IFIT1B: variants seen among roughly 807,000 people sequenced by gnomAD.
IFIT1B encodes protein IFIT1 homolog B.
Under a neutral mutation model 2.5 loss-of-function variants are expected in IFIT1B, and 3 were observed. That is an observed-to-expected ratio of 1.21 (90% CI 0.55 to 3.14). IFIT1B has a LOEUF of 3.14. Ranked by LOEUF, IFIT1B falls within the 30% of genes most tolerant of loss-of-function variation. The pLI is 0.03. For missense variants in IFIT1B, 545 were observed against 556.5 expected (o/e 0.98, Z 0.21); for synonymous variants, 196 against 203.0 (o/e 0.97, Z 0.29).
intron 1 of IFIT1B, 145 bp from the exon 2 acceptor site, chr10:89,383,174 C>A: frequency 1.4e-6 from 1 of 694,652 alleles, no homozygotes; most frequent in Non-Finnish European, 2.4e-6. Flanking sequence ...TTCCTAATGA[C>A]ATGACTGTAG....
intron 1 of IFIT1B, among the ~76,000 whole-genome samples, chr10:89,381,634 G>T (rs1385744807): frequency 1.3e-5 from 2 of 152,168 alleles, no homozygotes; most frequent in Non-Finnish European, 2.9e-5. Context: ...TTTAGATGGA[G>T]ACTCTGAGGG....
chr10:89,383,192 A>G, intron 1 of IFIT1B, 127 bp from the exon 2 acceptor site: 1 of 796,574 alleles, frequency 1.3e-6, no homozygotes, highest in Non-Finnish European at 2.0e-6. Context: ...TAGAACCCAG[A>G]GGGGCACCAG....
chr10:89,381,901 T>C (rs2133603303), intron 1 of IFIT1B, among the ~76,000 whole-genome samples: 1 of 152,270 alleles, frequency 6.6e-6, no homozygotes, highest in Non-Finnish European at 1.5e-5. Flanking sequence ...TTCTTGTGCC[T>C]CAGCCTCCAG....
chr10:89,379,014 T>A (rs956606153), intron 1 of IFIT1B, among the ~76,000 whole-genome samples: 1 of 152,348 alleles, frequency 6.6e-6, no homozygotes, highest in Admixed American at 6.5e-5. Context: ...CCTTTTAATA[T>A]ACAAAATACT....
intron 1 of IFIT1B, among the ~76,000 whole-genome samples, chr10:89,380,898 ATGT>A (rs1844157735): frequency 6.6e-6 from 1 of 152,228 alleles, no homozygotes; most frequent in African/African-American, 2.4e-5. Flanking sequence ...AAGAAGATAC[ATGT>A]TGATGAACAA....
At chr10:89,380,458 C>A in intron 1 of IFIT1B, among the ~76,000 whole-genome samples, 1 of 147,292 alleles carries the variant, frequency 6.8e-6, no homozygotes. Context: ...TTTTTCCAGA[C>A]AGGGCCTCCC....
intron 1 of IFIT1B, among the ~76,000 whole-genome samples, chr10:89,381,718 C>A (rs572037035): frequency 1.4e-4 from 22 of 152,232 alleles, no homozygotes; most frequent in East Asian, 3.9e-4. Flanking sequence ...CTCTGCCCAA[C>A]TTTGTGGTGC....
rs777167526 is a variant in IFIT1B at position 89,384,404 on chromosome 10, A to C, written c.1091A>C (p.Gln364Pro). 50 of 1,614,096 alleles carry C rather than the reference A, an allele frequency of 3.1e-5. No homozygotes were observed. Among genetic ancestry groups the C allele is most frequent in the Non-Finnish European group, 4.2e-5 (49 of 1,180,052 alleles). The change falls in exon 2 of 2, where the codon CAG (glutamine) becomes CCG (proline). Residue 364 changes from glutamine to proline, a missense_variant. Physicochemically the swap from Gln to Pro is moderately conservative, Grantham distance 76. Transcript: ENST00000371809. ...CACAGAAAGGCTGAGGAACATTTTC[A>C]GAAAGGGTTACGCATGAAGATCTTT... The part of the protein sequence containing the change: ...GHHRKAEEHF[Q>P]KGLRMKIFED...
chr10:89,378,891 T>C (rs1844141419), intron 1 of IFIT1B, among the ~76,000 whole-genome samples: 1 of 152,196 alleles, frequency 6.6e-6, no homozygotes. Context: ...TAGCACTTTC[T>C]AATAGAGGGA....
intron 1 of IFIT1B, among the ~76,000 whole-genome samples, chr10:89,380,250 C>G (rs116793584): frequency 0.019 from 2,956 of 152,162 alleles, 43 homozygotes; most frequent in African/African-American, 0.037. Flanking sequence ...TCCTCCTGAT[C>G]CCACTGGTTC....
intron 1 of IFIT1B, among the ~76,000 whole-genome samples, chr10:89,378,678 T>C (rs375700999): frequency 1.3e-5 from 2 of 152,122 alleles, no homozygotes; most frequent in African/African-American, 4.8e-5. Context: ...ATAAAGTCCA[T>C]AGAGTCAGCT....
intron 1 of IFIT1B, among the ~76,000 whole-genome samples, chr10:89,382,913 G>T (rs560170492): frequency 6.6e-6 from 1 of 152,336 alleles, no homozygotes; most frequent in African/African-American, 2.4e-5. Flanking sequence ...ACATGAAAAA[G>T]ATGAGTAAGG....
chr10:89,384,730 A>G lies in IFIT1B; in HGVS notation c.1417A>G (p.Ile473Val), dbSNP rs745874020. 1.6e-5 allele frequency: 25 copies of G among 1,602,498 alleles called. No individual in the cohort carries two copies. Among genetic ancestry groups the G allele is most frequent in the Non-Finnish European group, 2.0e-5 (23 of 1,174,212 alleles). The change falls in exon 2 of 2, where the codon ATA becomes GTA. Residue 473 changes from isoleucine to valine, a missense_variant. Physicochemically the swap from Ile to Val is conservative, Grantham distance 29 (BLOSUM62 3). Transcript: ENST00000371809. ...GAGGCTGGCTGCTGACCTGAACCCT[A>G]TATTTTAACATAGAGGTCACCATTA... ...ALRLAADLNP[I>V]F is the part of the protein sequence containing the mutation.
chr10:89,381,644 G>C (rs1844164239), intron 1 of IFIT1B, among the ~76,000 whole-genome samples: 1 of 152,182 alleles, frequency 6.6e-6, no homozygotes, highest in Admixed American at 6.5e-5. Flanking sequence ...GACTCTGAGG[G>C]AAAAGTGAGG....
chr10:89,379,384 G>A (rs1449212556), intron 1 of IFIT1B, among the ~76,000 whole-genome samples: 1 of 152,118 alleles, frequency 6.6e-6, no homozygotes, highest in East Asian at 1.9e-4. Flanking sequence ...CATGTTGCCT[G>A]CTAAAATTTG....
chr10:89,382,943 C>T (rs1467336564), intron 1 of IFIT1B, among the ~76,000 whole-genome samples: 1 of 152,190 alleles, frequency 6.6e-6, no homozygotes, highest in Non-Finnish European at 1.5e-5. Flanking sequence ...TTCTGTGAAC[C>T]CTCTCTCCAC....
In IFIT1B at chr10:89,384,718, G is replaced by A. The variant is rs1844192934; in HGVS notation, c.1405G>A (p.Asp469Asn). Residue 469 changes from aspartate to asparagine, a missense_variant, in exon 2 of 2, where the codon GAC becomes AAC. Asp to Asn is a conservative substitution (Grantham distance 23). Transcript: ENST00000371809. ...CYERALRLAA[D>N]LNPIF is the part of the protein sequence containing the mutation. ...TGAGAGGGCTCTGAGGCTGGCTGCT[G>A]ACCTGAACCCTATATTTTAACATAG... The A allele has an allele frequency of 6.2e-7, 1 of 1,611,300 alleles. No individual in the cohort carries two copies. Among genetic ancestry groups the A allele is most frequent in the South Asian group, 1.1e-5 (1 of 90,840 alleles).
rs1045454231 is a variant in IFIT1B, at chr10:89,385,007, T to C, written c.*269T>C. ...TGGTAAAGCAATCTTTCTTGGAACA[T>C]AGCAAGTAGTAACCGATCAAATTGC... On this transcript the variant is annotated 3_prime_UTR_variant, in exon 2 of 2. Coordinates refer to ENST00000371809, the MANE Select transcript of IFIT1B (RefSeq NM_001010987.2). 1.0e-5 allele frequency: 4 copies of C among 398,320 alleles called. No individual in the cohort carries two copies. Among genetic ancestry groups the C allele is most frequent in the Non-Finnish European group, 1.8e-5 (4 of 221,038 alleles). The allele number at this position is 398,320 out of a possible 1,614,324, so 24.7% of individuals were successfully genotyped here. A position where few individuals can be genotyped will look rare whatever the true frequency, so the allele number is the denominator to read the frequency against.
Position 89,383,985 on chromosome 10 carries a change from C to T in IFIT1B, c.672C>T (p.Ala224=). ...ATGTATATATTAGGGTTCTCCTTGC[C>T]CTGAAGCTTCAGGATGAAGGACAGG... ...PDDVYIRVLL[A]LKLQDEGQEA... is the part of the protein sequence containing the mutation. The change falls in exon 2 of 2, where the codon GCC becomes GCT. Residue 224 remains alanine (A), a synonymous_variant. Coordinates refer to ENST00000371809, the MANE Select transcript of IFIT1B (RefSeq NM_001010987.2). The T allele has an allele frequency of 6.2e-7, 1 of 1,614,082 alleles. No homozygotes were observed. Among genetic ancestry groups the T allele is most frequent in the Non-Finnish European group, 8.5e-7 (1 of 1,180,020 alleles).
Sources: gnomAD v4.1 joint callset for allele counts (sites outside exome capture counted in the v4.1 genomes callset) on GRCh38, gnomAD v4.1.1 for gene constraint, MANE v1.5 for transcripts, NCBI Gene and HGNC (gene_info 2026-07-23, HGNC 2026-07-21) for gene names.